The following ATF7IP2 variants were observed in gnomAD, a reference collection of about 807,000 sequenced individuals.
ATF7IP2 encodes activating transcription factor 7 interacting protein 2.
A neutral mutation model predicts 64.2 loss-of-function variants in ATF7IP2; 42 were observed. The ratio of observed to expected loss-of-function variants is 0.65; its 90% CI spans 0.51 to 0.85. The LOEUF (loss-of-function observed/expected upper bound fraction) is 0.85. ATF7IP2 is among the 40% of genes least tolerant of loss of function. The pLI, the probability that ATF7IP2 is intolerant of heterozygous loss-of-function variation, is 0.00. For synonymous variants in ATF7IP2, 308 were observed against 272.8 expected (o/e 1.13, Z -1.27); for missense variants, 933 against 784.2 (o/e 1.19, Z -2.27).
chr16:10,386,522 T>G (rs1351408122), intron 1 of ATF7IP2: 1 of 152,162 alleles, frequency 6.6e-6, no homozygotes, highest in Non-Finnish European at 1.5e-5. Context: ...TCCACCAATT[T>G]TAGTGTCCCA....
intron 1 of ATF7IP2, among the ~76,000 whole-genome samples, chr16:10,404,165 A>G (rs2047588602): frequency 1.3e-5 from 2 of 152,234 alleles, no homozygotes; most frequent in Non-Finnish European, 2.9e-5. Context: ...AAGGTGAAGG[A>G]AAGAATTTTA....
intron 8 of ATF7IP2, among the ~76,000 whole-genome samples, chr16:10,443,149 C>G (rs2048685659): frequency 6.6e-6 from 1 of 152,168 alleles, no homozygotes; most frequent in Admixed American, 6.5e-5. Context: ...ACCACAGTAC[C>G]ACAACACATC....
rs769110664 is a variant in ATF7IP2, at chr16:10,438,149, T to C, written c.1009T>C (p.Phe337Leu). ...QEIYSINYEL[F>L]DKKLKELNQR... ...GATCTATAGCATAAATTATGAACTA[T>C]TTGATAAGAAACTGAAAGAATTGAA... Residue 337 changes from phenylalanine (F) to leucine (L), a missense_variant, in exon 7 of 14, where the codon TTT becomes CTT. Transcript: ENST00000562102. 8 of 1,601,118 alleles carry C rather than the reference T, an allele frequency of 5.0e-6. No homozygotes were observed. In the East Asian group the frequency reaches 1.1e-4, roughly 23 times the overall value.
chr16:10,430,849 T>A lies in ATF7IP2; in HGVS notation c.229T>A (p.Leu77Met). 1 of 1,613,942 alleles carries A rather than the reference T, an allele frequency of 6.2e-7. No individual in the cohort carries two copies. The highest frequency in any genetic ancestry group is 1.3e-5 in the African/African-American group (1 of 75,034). ...CCCTTCTGAAAATGGTGCATCCTCATTGGACTCTAATAAAAATTCAATATC... is the reference window on the plus strand; with the variant it reads ...CCCTTCTGAAAATGGTGCATCCTCAATGGACTCTAATAAAAATTCAATATC... Reference protein sequence around the residue: ...CSPSENGASSLDSNKNSISEK... With the variant: ...CSPSENGASSMDSNKNSISEK... The change falls in exon 5 of 14, where the codon TTG (leucine) becomes ATG (methionine). Residue 77 changes from leucine to methionine, a missense_variant. Transcript: ENST00000562102.
intron 1 of ATF7IP2, among the ~76,000 whole-genome samples, chr16:10,388,697 G>C (rs1478098829): frequency 6.6e-6 from 1 of 152,096 alleles, no homozygotes; most frequent in African/African-American, 2.4e-5. Flanking sequence ...TGTAAGAAAG[G>C]CATGTCACTG....
chr16:10,482,066 T>TAAG lies in ATF7IP2; in HGVS notation c.1867_1869dup (p.Lys623dup). 1.9e-6 allele frequency: 3 copies of TAAG among 1,614,048 alleles called. No individual in the cohort carries two copies. Among genetic ancestry groups the TAAG allele is most frequent in the Non-Finnish European group, 2.5e-6 (3 of 1,179,936 alleles). On this transcript the variant is annotated inframe_insertion, in exon 14 of 14. Transcript: ENST00000562102. ...TCCTGTGTCATGAGAACTCTAATAA[T>TAAG]AAGTTGATTTGGAAGAAGATTGGAG...
rs764925383 is a variant in ATF7IP2, at chr16:10,431,056, G to A, written c.436G>A (p.Glu146Lys). The A allele has an allele frequency of 1.2e-6, 2 of 1,614,138 alleles. No individual in the cohort carries two copies. Among genetic ancestry groups the A allele is most frequent in the African/African-American group, 1.3e-5 (1 of 75,052 alleles). ...DSLNTSENDS[E>K]HQTNVTRSLF... is the part of the protein sequence containing the mutation. ...ACTGAACACTTCTGAAAACGATTCT[G>A]AGCATCAGACAAATGTAACAAGATC... Residue 146 changes from glutamate (E) to lysine (K), a missense_variant, in exon 5 of 14, where the codon GAG (glutamate) becomes AAG (lysine). Transcript: ENST00000562102.
chr16:10,453,221 G>C lies in ATF7IP2; in HGVS notation c.1195-4151G>C, dbSNP rs183535024. ...GAAACCCAGGGCCGTGGTAGCATAG[G>C]CACCGGAGGGAATCTCCTGGTCTGT... On this transcript the variant is annotated intron_variant, in intron 8 of 13. Transcript: ENST00000562102. 9.8e-5 allele frequency among the ~76,000 whole-genome samples: 15 copies of C among 152,306 alleles called. No individual in the cohort carries two copies. The East Asian group carries it at 2.3e-3, about 24-fold the overall frequency.
At chr16:10,424,536 C>T (rs2048046364) in intron 3 of ATF7IP2, among the ~76,000 whole-genome samples, 1 of 152,116 alleles carries the variant, frequency 6.6e-6, no homozygotes, top group Non-Finnish European at 1.5e-5. Flanking sequence ...AGCATACCAT[C>T]AAGGAATGGG....
intron 9 of ATF7IP2, among the ~76,000 whole-genome samples, chr16:10,463,560 T>C (rs578059022): frequency 1.1e-4 from 16 of 152,332 alleles, no homozygotes; most frequent in African/African-American, 2.6e-4. Context: ...CTAATAGCTA[T>C]GTGAACAAGC....
chr16:10,422,740 A>C (rs559228960), intron 3 of ATF7IP2, among the ~76,000 whole-genome samples: 29 of 152,230 alleles, frequency 1.9e-4, no homozygotes, highest in African/African-American at 6.7e-4. Flanking sequence ...TGATTCCCCC[A>C]ATAAGCTGCT....
intron 1 of ATF7IP2, among the ~76,000 whole-genome samples, chr16:10,396,510 G>T (rs939478981): frequency 1.3e-5 from 2 of 152,012 alleles, no homozygotes. Flanking sequence ...ACAGTTTTGG[G>T]TCTTACATAT....
At chr16:10,479,116 A>C (rs1270910166) in intron 12 of ATF7IP2, among the ~76,000 whole-genome samples, 1 of 150,898 alleles carries the variant, frequency 6.6e-6, no homozygotes, top group Non-Finnish European at 1.5e-5. Flanking sequence ...ATCTAGAACT[A>C]GAAATACCAT....
intron 1 of ATF7IP2, chr16:10,386,499 A>G (rs2047206862): frequency 6.6e-6 from 1 of 152,220 alleles, no homozygotes; most frequent in Non-Finnish European, 1.5e-5. Context: ...AAATTAACGG[A>G]TAAATCTCCA....
At chr16:10,396,970 A>G (rs1039758543) in intron 1 of ATF7IP2, among the ~76,000 whole-genome samples, 3 of 152,080 alleles carry the variant, frequency 2.0e-5, no homozygotes, top group Non-Finnish European at 2.9e-5. Flanking sequence ...CCCAGCCTAC[A>G]TTTAACTTTG....
chr16:10,450,541 T>C (rs1050327260), intron 8 of ATF7IP2, among the ~76,000 whole-genome samples: 1 of 152,290 alleles, frequency 6.6e-6, no homozygotes, highest in South Asian at 2.1e-4. Flanking sequence ...TCTTCTTGTT[T>C]CATTGATCCC....
At chr16:10,424,992 G>C (rs1351183726) in intron 3 of ATF7IP2, among the ~76,000 whole-genome samples, 1 of 149,636 alleles carries the variant, frequency 6.7e-6, no homozygotes, top group Non-Finnish European at 1.5e-5. Flanking sequence ...TAGGTATATA[G>C]AACAAAGAAA....
intron 1 of ATF7IP2, among the ~76,000 whole-genome samples, chr16:10,391,121 C>T (rs536279206): frequency 2.4e-4 from 36 of 150,952 alleles, no homozygotes; most frequent in African/African-American, 8.3e-4. Context: ...CGCGCCATTG[C>T]ATTCCAGCCT....
At chr16:10,389,496 C>T (rs755913971) in intron 1 of ATF7IP2, among the ~76,000 whole-genome samples, 5 of 152,100 alleles carry the variant, frequency 3.3e-5, no homozygotes, top group African/African-American at 7.2e-5. Context: ...GAGTGCTCCC[C>T]GTCCAGTGTT....
Sources: gnomAD v4.1 joint callset for allele counts (sites outside exome capture counted in the v4.1 genomes callset) on GRCh38, gnomAD v4.1.1 for gene constraint, MANE v1.5 for transcripts, NCBI Gene and HGNC (gene_info 2026-07-23, HGNC 2026-07-21) for gene names.